Variants in TENM1 observed in about 807,000 individuals in gnomAD.
The protein encoded by TENM1 is teneurin-1.
A neutral mutation model predicts 174.8 loss-of-function variants in TENM1; 35 were observed. The ratio of observed to expected loss-of-function variants is 0.20; its 90% CI spans 0.15 to 0.27. The LOEUF (loss-of-function observed/expected upper bound fraction) is 0.27, where lower values mean the gene tolerates loss of function less well. TENM1 is among the 10% of genes least tolerant of loss of function. TENM1 has a pLI of 1.00. For missense variants in TENM1, 1,633 were observed against 2,130.1 expected, an observed-to-expected ratio of 0.77 and a Z score of 4.59; for synonymous variants, 781 against 798.7, an observed-to-expected ratio of 0.98 and a Z score of 0.37.
chrX:125,024,869 G>GT, the TENM1 span, among the ~76,000 whole-genome samples: 5 of 111,016 alleles, frequency 4.5e-5, no homozygotes, highest in East Asian at 2.8e-4. Flanking sequence ...ATTTTTATCT[G>GT]TTTTTTCAGT....
the TENM1 span, chrX:125,203,655 G>A: frequency 2.7e-5 from 3 of 113,124 alleles, no homozygotes; most frequent in East Asian, 5.7e-4. Context: ...GTCCCAGAGC[G>A]GACTCAACCG....
the TENM1 span, among the ~76,000 whole-genome samples, chrX:125,175,955 C>G: frequency 8.1e-5 from 9 of 111,765 alleles, no homozygotes; most frequent in African/African-American, 2.9e-4. Flanking sequence ...AACGACATTA[C>G]TTGCTTACCC....
chrX:124,381,397 CTTTAA>C, intron 31 of TENM1, 103 bp from the exon 35 acceptor site: 1 of 793,230 alleles, frequency 1.3e-6, no homozygotes, highest in Non-Finnish European at 1.8e-6. Context: ...TTCCTTCTCT[CTTTAA>C]TTTGTCAGTG....
chrX:125,106,141 T>C, the TENM1 span, among the ~76,000 whole-genome samples: 1 of 112,001 alleles, frequency 8.9e-6, no homozygotes, highest in Admixed American at 9.5e-5. Flanking sequence ...AGAGGGCTTT[T>C]TAATAATCTT....
chrX:125,176,912 C>A, the TENM1 span, among the ~76,000 whole-genome samples: 4 of 111,589 alleles, frequency 3.6e-5, no homozygotes, highest in African/African-American at 6.5e-5. Context: ...ACTCAGCTGG[C>A]ACTCACATTT....
At chrX:124,721,378 T>C (rs766413821) in intron 4 of TENM1, among the ~76,000 whole-genome samples, 13 of 111,969 alleles carry the variant, frequency 1.2e-4, no homozygotes, top group Non-Finnish European at 1.9e-4. Context: ...ATTATGATCA[T>C]TTGGATTAAC....
At chrX:125,061,105 TAGA>T in the TENM1 span, among the ~76,000 whole-genome samples, 1 of 110,969 alleles carries the variant, frequency 9.0e-6, no homozygotes, top group Non-Finnish European at 1.9e-5. Context: ...CCGATTTGAA[TAGA>T]AGATGTTAAT....
the TENM1 span, among the ~76,000 whole-genome samples, chrX:125,169,369 G>GA: frequency 9.0e-6 from 1 of 111,294 alleles, no homozygotes; most frequent in African/African-American, 3.3e-5. Context: ...AATGTAGGAT[G>GA]AAAAAAATAA....
At chrX:125,186,071 A>G in the TENM1 span, among the ~76,000 whole-genome samples, 1 of 110,860 alleles carries the variant, frequency 9.0e-6, no homozygotes, top group Non-Finnish European at 1.9e-5. Flanking sequence ...AGTCATTTTG[A>G]GATGAAATGC....
chrX:124,808,351 A>T (rs1196563631), intron 3 of TENM1, among the ~76,000 whole-genome samples: 1 of 112,211 alleles, frequency 8.9e-6, no homozygotes, highest in African/African-American at 3.2e-5. Context: ...AGTAGAGCTG[A>T]AGGAAGAGAT....
chrX:124,500,743 A>G (rs2047310642), intron 19 of TENM1, among the ~76,000 whole-genome samples: 1 of 112,167 alleles, frequency 8.9e-6, no homozygotes, highest in Admixed American at 9.5e-5. Context: ...TTTGTTCAGA[A>G]CTTCTTTTGA....
At chrX:124,991,245 T>A in the TENM1 span, among the ~76,000 whole-genome samples, 1 of 111,545 alleles carries the variant, frequency 9.0e-6, no homozygotes, top group African/African-American at 3.3e-5. Flanking sequence ...TTTCTACTCC[T>A]CTGTGTCTTC....
chrX:124,734,857 G>C (rs1057230406), intron 4 of TENM1, among the ~76,000 whole-genome samples: 1 of 111,918 alleles, frequency 8.9e-6, no homozygotes, highest in Admixed American at 9.5e-5. Flanking sequence ...ACATACAAAT[G>C]TCTTTAGAAA....
the TENM1 span, among the ~76,000 whole-genome samples, chrX:125,195,252 T>C: frequency 8.9e-6 from 1 of 111,809 alleles, no homozygotes; most frequent in African/African-American, 3.2e-5. Context: ...AGATCATCAG[T>C]GTAAATGTTA....
intron 5 of TENM1, among the ~76,000 whole-genome samples, chrX:124,676,924 G>T (rs1602977922): frequency 9.2e-6 from 1 of 108,178 alleles, no homozygotes; most frequent in South Asian, 4.0e-4. Context: ...GGAAATACAT[G>T]CTGAATAACT....
chrX:124,938,812 T>C (rs753236990), intron 1 of TENM1, among the ~76,000 whole-genome samples: 54 of 111,759 alleles, frequency 4.8e-4, no homozygotes, highest in African/African-American at 1.5e-3. Flanking sequence ...TAATTGTATA[T>C]ACATCGATGC....
intron 11 of TENM1, among the ~76,000 whole-genome samples, chrX:124,595,253 TACAC>T (rs914479906): frequency 9.0e-6 from 1 of 111,579 alleles, no homozygotes; most frequent in African/African-American, 3.3e-5. Flanking sequence ...TTTTGCCACA[TACAC>T]ACACACACAA....
the TENM1 span, among the ~76,000 whole-genome samples, chrX:125,095,179 C>T: frequency 3.6e-5 from 4 of 111,829 alleles, no homozygotes; most frequent in East Asian, 1.1e-3. Context: ...GCTTCTGACA[C>T]ACTCCTTTGT....
At chrX:124,567,108 G>T (rs1253441319) in intron 11 of TENM1, among the ~76,000 whole-genome samples, 1 of 111,529 alleles carries the variant, frequency 9.0e-6, no homozygotes, top group Non-Finnish European at 1.9e-5. Flanking sequence ...AAAGGCTAAG[G>T]GAAAAATAAG....
Sources: allele counts gnomAD v4.1 joint callset (sites outside exome capture counted in the v4.1 genomes callset), GRCh38; gene constraint gnomAD v4.1.1; transcripts MANE v1.5; gene names NCBI Gene and HGNC (gene_info 2026-07-23, HGNC 2026-07-21).